The following ERG variants were observed in gnomAD, a reference collection of about 807,000 sequenced individuals.
The protein encoded by ERG is transcriptional regulator ERG.
ERG carries 9 observed loss-of-function variants against 55.3 expected under a neutral mutation model. The observed-to-expected ratio is 0.16, with a 90% CI of 0.10 to 0.28. ERG has a LOEUF of 0.28. Ranked by LOEUF, ERG falls within the 10% of genes least tolerant of loss-of-function variation. The pLI, the probability that ERG is intolerant of heterozygous loss-of-function variation, is 1.00. For missense variants in ERG, 434 were observed against 631.6 expected (o/e 0.69, Z 3.35); for synonymous variants, 223 against 237.3 (o/e 0.94, Z 0.55).
At chr21:38,628,812 T>G (rs1287606077) in intron 1 of ERG, among the ~76,000 whole-genome samples, 1 of 152,204 alleles carries the variant, frequency 6.6e-6, no homozygotes, top group African/African-American at 2.4e-5. Context: ...AGACTAAATC[T>G]TCACACCATT....
At chr21:38,433,440 G>A (rs1990311761) in intron 2 of ERG, among the ~76,000 whole-genome samples, 2 of 152,202 alleles carry the variant, frequency 1.3e-5, no homozygotes, top group South Asian at 2.1e-4. Flanking sequence ...AAAAAGCGGG[G>A]TTGGTGGTGG....
At chr21:38,415,781 C>T in intron 3 of ERG, among the ~76,000 whole-genome samples, 1 of 152,074 alleles carries the variant, frequency 6.6e-6, no homozygotes, top group Non-Finnish European at 1.5e-5. Context: ...AAGAATCCTG[C>T]AACCCCTGCG....
intron 1 of ERG, among the ~76,000 whole-genome samples, chr21:38,464,031 T>G (rs1034911901): frequency 5.9e-5 from 9 of 152,098 alleles, no homozygotes; most frequent in Non-Finnish European, 1.2e-4. Context: ...GATTCAGAAA[T>G]GGTAAAAACT....
chr21:38,557,894 CAA>C (rs1411289348), intron 2 of ERG, among the ~76,000 whole-genome samples: 1 of 152,172 alleles, frequency 6.6e-6, no homozygotes, highest in Non-Finnish European at 1.5e-5. Flanking sequence ...GGAAGATGTA[CAA>C]AGTGTTCTCC....
chr21:38,429,387 GTACACATA>G (rs58353029), intron 2 of ERG, among the ~76,000 whole-genome samples: 19,022 of 54,818 alleles, frequency 0.35, 5,130 homozygotes, highest in South Asian at 0.67. Flanking sequence ...ACATATATAT[GTACACATA>G]TACACATGTA....
intron 1 of ERG, among the ~76,000 whole-genome samples, chr21:38,486,855 T>C (rs2059290040): frequency 6.6e-6 from 1 of 152,084 alleles, no homozygotes; most frequent in African/African-American, 2.4e-5. Flanking sequence ...GGTCTGCAAT[T>C]TACATCTTTT....
intron 6 of ERG, among the ~76,000 whole-genome samples, chr21:38,397,425 C>G (rs1009937783): frequency 2.6e-5 from 4 of 151,724 alleles, no homozygotes; most frequent in African/African-American, 9.7e-5. Flanking sequence ...TGGTGAAACC[C>G]TATCTCTACT....
chr21:38,371,767 T>G, the ERG span, among the ~76,000 whole-genome samples: 1 of 152,066 alleles, frequency 6.6e-6, no homozygotes, highest in Non-Finnish European at 1.5e-5. Flanking sequence ...CTTATGAATA[T>G]TTGGTTAAAA....
intron 2 of ERG, among the ~76,000 whole-genome samples, chr21:38,522,577 CTT>C (rs914124347): frequency 1.1e-4 from 16 of 152,246 alleles, no homozygotes; most frequent in East Asian, 3.9e-4. Context: ...GGTTAAAACA[CTT>C]TAACTATTTT....
intron 1 of ERG, among the ~76,000 whole-genome samples, chr21:38,475,303 C>T (rs1366920545): frequency 6.6e-6 from 1 of 152,120 alleles, no homozygotes; most frequent in Non-Finnish European, 1.5e-5. Flanking sequence ...CCTTTAATTC[C>T]TGTCCCCTGA....
At chr21:38,432,972 T>G (rs1990288896) in intron 2 of ERG, among the ~76,000 whole-genome samples, 1 of 152,112 alleles carries the variant, frequency 6.6e-6, no homozygotes. Context: ...AAGACAGTCA[T>G]GGATGAGGGT....
At chr21:38,594,829 G>C (rs997165469) in intron 1 of ERG, among the ~76,000 whole-genome samples, 3 of 152,190 alleles carry the variant, frequency 2.0e-5, no homozygotes, top group African/African-American at 7.2e-5. Flanking sequence ...GCTACTTTAC[G>C]TGAGGAGTCA....
intron 1 of ERG, among the ~76,000 whole-genome samples, chr21:38,496,134 CAA>C (rs2059377256): frequency 6.6e-6 from 1 of 152,164 alleles, no homozygotes; most frequent in African/African-American, 2.4e-5. Context: ...GTAAGAATCA[CAA>C]AGACTGGATA....
intron 1 of ERG, among the ~76,000 whole-genome samples, chr21:38,450,277 G>A (rs1431714664): frequency 6.6e-6 from 1 of 151,868 alleles, no homozygotes; most frequent in Non-Finnish European, 1.5e-5. Flanking sequence ...ACTCAAGAGG[G>A]TGAGGCAGGA....
At chr21:38,404,476 G>A (rs1988665776) in intron 3 of ERG, among the ~76,000 whole-genome samples, 1 of 152,222 alleles carries the variant, frequency 6.6e-6, no homozygotes, top group Non-Finnish European at 1.5e-5. Flanking sequence ...GGGCCCGGGG[G>A]AGAAGGAGCA....
chr21:38,586,516 C>T (rs2060066248), upstream of ERG, among the ~76,000 whole-genome samples: 1 of 152,038 alleles, frequency 6.6e-6, no homozygotes, highest in African/African-American at 2.4e-5. Flanking sequence ...AAATCGAAAT[C>T]ATGATGAGTG....
At chr21:38,462,765 C>T (rs937051128) in intron 1 of ERG, among the ~76,000 whole-genome samples, 2 of 152,208 alleles carry the variant, frequency 1.3e-5, no homozygotes, top group Non-Finnish European at 2.9e-5. Context: ...CTCTCTAACA[C>T]TGCACACAGT....
upstream of ERG, among the ~76,000 whole-genome samples, chr21:38,502,081 T>C (rs1003584292): frequency 4.0e-4 from 61 of 152,188 alleles, no homozygotes; most frequent in African/African-American, 1.4e-3. Flanking sequence ...ATGTAATACA[T>C]GCGCAGAGCA....
chr21:38,635,508 T>C (rs146369979), intron 1 of ERG, among the ~76,000 whole-genome samples: 129 of 152,238 alleles, frequency 8.5e-4, no homozygotes, highest in African/African-American at 2.7e-3. Context: ...AGTAATTCGA[T>C]AAATGAAAAA....
Sources: allele counts gnomAD v4.1 joint callset (sites outside exome capture counted in the v4.1 genomes callset), GRCh38; gene constraint gnomAD v4.1.1; transcripts MANE v1.5; gene names NCBI Gene and HGNC (gene_info 2026-07-23, HGNC 2026-07-21).